MCM5: variants seen among roughly 807,000 people sequenced by gnomAD.
MCM5 encodes minichromosome maintenance complex component 5, also known as DNA replication licensing factor MCM5.
Under a neutral mutation model 79.9 loss-of-function variants are expected in MCM5, and 46 were observed. That is an observed-to-expected ratio of 0.58 (90% CI 0.45 to 0.74). The LOEUF is 0.74. MCM5 is among the 30% of genes least tolerant of loss of function. MCM5 has a pLI of 0.00. For missense variants in MCM5, 883 were observed against 1,017.0 expected (o/e 0.87, Z 1.79); for synonymous variants, 404 against 390.5 (o/e 1.03, Z -0.41).
intron 6 of MCM5, chr22:35,409,535 C>T (rs1319551851): frequency 6.6e-6 from 1 of 152,302 alleles, no homozygotes. Context: ...GATTACACCA[C>T]TCCACTCTAG....
chr22:35,432,597 C>T, the MCM5 span, among the ~76,000 whole-genome samples: 2 of 152,232 alleles, frequency 1.3e-5, no homozygotes, highest in African/African-American at 4.8e-5. Context: ...TTAACACCAG[C>T]CCATGTAGTC....
Position 35,417,725 on chromosome 22 carries a change from T to C in MCM5, c.1591-19T>C, listed in dbSNP as rs201852993. ...TGGGACGGCCTGTGGGATGACCCAT[T>C]ATCCCCTCTGCTCTCCAGATGCTGG... is the stretch of plus-strand genomic sequence containing the variant. On this transcript the variant is annotated intron_variant, in intron 12 of 16. Coordinates refer to ENST00000216122, the MANE Select transcript of MCM5 (RefSeq NM_006739.4). 1 of 1,569,764 alleles carries C rather than the reference T, an allele frequency of 6.4e-7. No individual in the cohort carries two copies. The highest frequency in any genetic ancestry group is 2.2e-5 in the East Asian group (1 of 44,624).
intron 5 of MCM5, among the ~76,000 whole-genome samples, chr22:35,407,419 C>T (rs1932250993): frequency 6.6e-6 from 1 of 152,124 alleles, no homozygotes; most frequent in South Asian, 2.1e-4. Context: ...CCAGGTGTCC[C>T]TTGACACTCA....
intron 2 of MCM5, 45 bp from the exon 3 acceptor site, chr22:35,403,162 T>C (rs1032456759): frequency 6.2e-7 from 1 of 1,604,014 alleles, no homozygotes; most frequent in Non-Finnish European, 8.5e-7. Context: ...TGGTTTCCTC[T>C]TCTTTGCACC....
At chr22:35,413,347 C>T (rs1932443603) in intron 8 of MCM5, among the ~76,000 whole-genome samples, 1 of 152,118 alleles carries the variant, frequency 6.6e-6, no homozygotes, top group African/African-American at 2.4e-5. Context: ...CCCGGCCGCA[C>T]AGGCATTCTT....
chr22:35,440,937 G>C, the MCM5 span, among the ~76,000 whole-genome samples: 1 of 151,982 alleles, frequency 6.6e-6, no homozygotes, highest in Non-Finnish European at 1.5e-5. Context: ...CATGCCTGTA[G>C]TCCCAGCTAC....
At chr22:35,425,696 G>T (rs1336370893), downstream of MCM5, among the ~76,000 whole-genome samples, 2 of 152,072 alleles carry the variant, frequency 1.3e-5, no homozygotes, top group Non-Finnish European at 2.9e-5. Context: ...TCCGGTTCCT[G>T]CTAGCCTTTC....
intron 14 of MCM5, among the ~76,000 whole-genome samples, chr22:35,420,867 A>G (rs1005644781): frequency 7.9e-5 from 12 of 152,258 alleles, no homozygotes; most frequent in Admixed American, 3.9e-4. Context: ...AGTGGCCTAC[A>G]TTGTGATCCT....
chr22:35,440,063 G>A, the MCM5 span, among the ~76,000 whole-genome samples: 7 of 152,188 alleles, frequency 4.6e-5, no homozygotes, highest in Non-Finnish European at 1.0e-4. Flanking sequence ...CATTTCTCTC[G>A]TCCAAATTCA....
At chr22:35,428,734 T>A (rs1199560089), downstream of MCM5, among the ~76,000 whole-genome samples, 1 of 152,100 alleles carries the variant, frequency 6.6e-6, no homozygotes, top group African/African-American at 2.4e-5. Flanking sequence ...TCAGGGAGAC[T>A]TCTCCCCGGC....
chr22:35,441,659 G>C, the MCM5 span, among the ~76,000 whole-genome samples: 1 of 152,130 alleles, frequency 6.6e-6, no homozygotes. Flanking sequence ...GGGCAGAGGA[G>C]GACTGGGCAA....
Position 35,406,730 on chromosome 22 carries a change from GTC to G in MCM5, c.596+7_596+8del. On this transcript the variant is annotated splice_donor_region_variant and intron_variant, in intron 5 of 16. Transcript: ENST00000216122. ...CCTGCCCAGGAAGTGCAACACGTGAGTCTGTGGCCCAGAGGGACTGTGGGAGG... is the reference window on the plus strand; with the variant it reads ...CCTGCCCAGGAAGTGCAACACGTGAGTGTGGCCCAGAGGGACTGTGGGAGG... 1 of 1,605,706 alleles carries G rather than the reference GTC, an allele frequency of 6.2e-7. No individual in the cohort carries two copies. Among genetic ancestry groups the G allele is most frequent in the Non-Finnish European group, 8.5e-7 (1 of 1,179,870 alleles).
In MCM5 at chr22:35,424,123, C is replaced by T. The variant is rs577714055; in HGVS notation, c.2104-31C>T. The T allele has an allele frequency of 1.4e-5, 20 of 1,463,232 alleles. No homozygotes were observed. In the East Asian group the frequency reaches 3.5e-4, roughly 25 times the overall value. 90.6% of individuals were successfully genotyped at this position (1,463,232 alleles called of 1,614,324 possible). On this transcript the variant is annotated intron_variant, in intron 16 of 16. Transcript: ENST00000216122. ...TCTGTCGGAGTCCCCTCGGGCAGCACGTGCCGTTAGCCAGCCATGTGCTCC... is the reference window on the plus strand; with the variant it reads ...TCTGTCGGAGTCCCCTCGGGCAGCATGTGCCGTTAGCCAGCCATGTGCTCC...
intron 10 of MCM5, 101 bp downstream of exon 10, chr22:35,416,073 T>A: frequency 7.0e-7 from 1 of 1,434,254 alleles, no homozygotes. Flanking sequence ...TTGGGAGACA[T>A]GTTTTCAATC....
intron 2 of MCM5, chr22:35,401,447 G>A (rs978794607): frequency 2.1e-6 from 1 of 471,120 alleles, no homozygotes. Flanking sequence ...ACTGAAGCTG[G>A]ACCTGGCTCC....
intron 13 of MCM5, among the ~76,000 whole-genome samples, chr22:35,418,824 A>T (rs1186227426): frequency 6.6e-6 from 1 of 152,166 alleles, no homozygotes; most frequent in East Asian, 1.9e-4. Flanking sequence ...GTGTGCTATT[A>T]TTCCCTTCCC....
At chr22:35,448,412 C>T in the MCM5 span, among the ~76,000 whole-genome samples, 1 of 152,194 alleles carries the variant, frequency 6.6e-6, no homozygotes, top group African/African-American at 2.4e-5. Flanking sequence ...CCATCCCTCC[C>T]CTCTTCCAGC....
At chr22:35,438,511 C>CCATCCATCCA in the MCM5 span, among the ~76,000 whole-genome samples, 2 of 77,882 alleles carry the variant, frequency 2.6e-5, no homozygotes, top group African/African-American at 4.0e-5. Flanking sequence ...ATCCATCCAT[C>CCATCCATCCA]TATGCATCCA....
chr22:35,444,164 C>CGGG, the MCM5 span, among the ~76,000 whole-genome samples: 1 of 59,854 alleles, frequency 1.7e-5, no homozygotes, highest in Non-Finnish European at 3.3e-5. Context: ...AACTGACAGG[C>CGGG]AGGAGAGAGA....
Sources: gnomAD v4.1 joint callset for allele counts (sites outside exome capture counted in the v4.1 genomes callset) on GRCh38, gnomAD v4.1.1 for gene constraint, MANE v1.5 for transcripts, NCBI Gene and HGNC (gene_info 2026-07-23, HGNC 2026-07-21) for gene names.